Variants in RIMS1 observed in about 807,000 individuals in gnomAD.
The protein encoded by RIMS1 is regulating synaptic membrane exocytosis 1, also known as regulating synaptic membrane exocytosis protein 1.
In RIMS1, 83 loss-of-function variants were observed where a neutral mutation model predicts 214.1. That is an observed-to-expected ratio of 0.39 (90% CI 0.32 to 0.47). The LOEUF is 0.47. Among genes scored for constraint, RIMS1 ranks in the 20% least tolerant of loss-of-function variants. RIMS1 has a pLI of 0.99. For missense variants in RIMS1, 2,050 were observed against 2,161.8 expected, an observed-to-expected ratio of 0.95 and a Z score of 1.03; for synonymous variants, 793 against 786.8, an observed-to-expected ratio of 1.01 and a Z score of -0.13.
chr6:72,279,636 T>C (rs2154209490), intron 23 of RIMS1, among the ~76,000 whole-genome samples: 1 of 152,146 alleles, frequency 6.6e-6, no homozygotes, highest in South Asian at 2.1e-4. Context: ...ATGAAAACAC[T>C]GAAACAGTGT....
chr6:71,940,805 A>C (rs1325330910), intron 1 of RIMS1, among the ~76,000 whole-genome samples: 1 of 152,184 alleles, frequency 6.6e-6, no homozygotes, highest in Admixed American at 6.5e-5. Context: ...AGTTAGGGGC[A>C]CTATCTTCTG....
At chr6:72,197,989 C>T (rs2051278812) in intron 6 of RIMS1, among the ~76,000 whole-genome samples, 1 of 152,038 alleles carries the variant, frequency 6.6e-6, no homozygotes, top group Admixed American at 6.6e-5. Context: ...TTCTCATCAG[C>T]AATGATGAAC....
chr6:72,352,836 G>C (rs1485070905), intron 29 of RIMS1, among the ~76,000 whole-genome samples: 1 of 151,992 alleles, frequency 6.6e-6, no homozygotes, highest in Non-Finnish European at 1.5e-5. Flanking sequence ...GATGGGACCC[G>C]AGAAATAAAA....
chr6:72,127,548 C>A (rs1033122420), intron 4 of RIMS1, among the ~76,000 whole-genome samples: 1 of 152,062 alleles, frequency 6.6e-6, no homozygotes, highest in Non-Finnish European at 1.5e-5. Flanking sequence ...CAGAGACATG[C>A]CTTATATAGA....
chr6:72,222,548 C>A (rs1488850211), intron 6 of RIMS1, among the ~76,000 whole-genome samples: 1 of 151,998 alleles, frequency 6.6e-6, no homozygotes, highest in Non-Finnish European at 1.5e-5. Context: ...CTTTTTGTTG[C>A]GTTGATAAAT....
At chr6:72,293,112 T>G (rs913218400) in intron 26 of RIMS1, among the ~76,000 whole-genome samples, 2 of 152,016 alleles carry the variant, frequency 1.3e-5, no homozygotes, top group Non-Finnish European at 2.9e-5. Context: ...AATACTTGAT[T>G]ATGGAAAACT....
chr6:72,362,111 A>C (rs139222594), intron 29 of RIMS1, among the ~76,000 whole-genome samples: 46 of 152,286 alleles, frequency 3.0e-4, no homozygotes, highest in African/African-American at 1.0e-3. Context: ...GATATAGTTT[A>C]AATGTAACAA....
chr6:72,133,584 A>G (rs927580184), intron 4 of RIMS1, among the ~76,000 whole-genome samples: 1 of 152,150 alleles, frequency 6.6e-6, no homozygotes, highest in Non-Finnish European at 1.5e-5. Flanking sequence ...AGTGATGGCT[A>G]TAGAGAGAGA....
chr6:72,223,536 A>G (rs947872399), intron 6 of RIMS1, among the ~76,000 whole-genome samples: 2 of 152,212 alleles, frequency 1.3e-5, no homozygotes, highest in African/African-American at 4.8e-5. Flanking sequence ...TTTAAAATAC[A>G]TAGAAAAGAT....
At chr6:71,907,332 T>C (rs539772418) in intron 1 of RIMS1, among the ~76,000 whole-genome samples, 3 of 152,336 alleles carry the variant, frequency 2.0e-5, no homozygotes, top group Admixed American at 1.3e-4. Context: ...GTTTTTAGCA[T>C]GGAGGAATAC....
At chr6:72,085,882 A>G (rs962432661) in intron 2 of RIMS1, among the ~76,000 whole-genome samples, 1 of 152,114 alleles carries the variant, frequency 6.6e-6, no homozygotes, top group Non-Finnish European at 1.5e-5. Context: ...GTGTAGTGGA[A>G]AGTTTGAAAC....
At chr6:72,108,796 C>G (rs956993207) in intron 4 of RIMS1, among the ~76,000 whole-genome samples, 2 of 150,558 alleles carry the variant, frequency 1.3e-5, no homozygotes, top group African/African-American at 4.9e-5. Flanking sequence ...GTGTGCTGCA[C>G]CCATTAACTC....
intron 1 of RIMS1, among the ~76,000 whole-genome samples, chr6:71,943,130 A>G (rs1055098196): frequency 6.6e-6 from 1 of 152,144 alleles, no homozygotes; most frequent in Non-Finnish European, 1.5e-5. Flanking sequence ...AAGAAAAAAT[A>G]TTTTTACCTA....
chr6:72,183,521 A>AT (rs960504678), intron 6 of RIMS1, among the ~76,000 whole-genome samples: 6 of 72,786 alleles, frequency 8.2e-5, no homozygotes, highest in East Asian at 6.7e-4. Context: ...GGAAGTAGAC[A>AT]TTAAAAAAAA....
chr6:72,161,550 C>G (rs1268117873), intron 4 of RIMS1, among the ~76,000 whole-genome samples: 1 of 140,222 alleles, frequency 7.1e-6, no homozygotes, highest in African/African-American at 2.5e-5. Context: ...CCTCTAAACA[C>G]TGCTTTGAAT....
chr6:72,198,618 C>T (rs1429739936), intron 6 of RIMS1, among the ~76,000 whole-genome samples: 1 of 151,786 alleles, frequency 6.6e-6, no homozygotes, highest in Non-Finnish European at 1.5e-5. Context: ...TAGTTAACAA[C>T]AATATATTTC....
intron 6 of RIMS1, among the ~76,000 whole-genome samples, chr6:72,195,039 A>C (rs1472554053): frequency 6.8e-6 from 1 of 147,218 alleles, no homozygotes; most frequent in Non-Finnish European, 1.5e-5. Flanking sequence ...ATTCATACTG[A>C]AGATTCGTGC....
intron 2 of RIMS1, among the ~76,000 whole-genome samples, chr6:71,991,613 G>A (rs1043627341): frequency 9.2e-5 from 14 of 152,182 alleles, no homozygotes; most frequent in African/African-American, 3.4e-4. Context: ...TTTCAGTCTA[G>A]TGCTCAAATG....
intron 1 of RIMS1, among the ~76,000 whole-genome samples, chr6:71,931,712 T>C (rs1783108717): frequency 6.6e-6 from 1 of 152,160 alleles, no homozygotes; most frequent in Admixed American, 6.6e-5. Context: ...TTTACTCTAT[T>C]GATAGTTTCT....
Sources: allele counts gnomAD v4.1 joint callset (sites outside exome capture counted in the v4.1 genomes callset), GRCh38; gene constraint gnomAD v4.1.1; transcripts MANE v1.5; gene names NCBI Gene and HGNC (gene_info 2026-07-23, HGNC 2026-07-21).